Variants in NBPF15 observed in about 807,000 individuals in gnomAD.
The protein encoded by NBPF15 is NBPF member 15.
A neutral mutation model predicts 62.2 loss-of-function variants in NBPF15; 74 were observed. That is an observed-to-expected ratio of 1.19 (90% CI 0.99 to 1.44). The LOEUF is 1.44. NBPF15 is among the 40% of genes most tolerant of loss of function. NBPF15 has a pLI of 0.00. For missense variants in NBPF15, 790 were observed against 550.0 expected, an observed-to-expected ratio of 1.44 and a Z score of -4.36; for synonymous variants, 244 against 209.7, an observed-to-expected ratio of 1.16 and a Z score of -1.41.
rs78658748 is a variant in NBPF15, at chr1:144,422,957, T to A, written c.*56A>T. 98 of 1,611,470 alleles carry A rather than the reference T, an allele frequency of 6.1e-5. 2 individuals carry two copies. Among genetic ancestry groups the A allele is most frequent in the Non-Finnish European group, 7.0e-5 (82 of 1,179,608 alleles). ...GAACTGTACTTTCATTCAAATCTTC[T>A]CGTGCCTATAGGTCCTGCCTGCAGG... is the stretch of plus-strand genomic sequence containing the variant. On this transcript the variant is annotated 3_prime_UTR_variant, in exon 22 of 22. Coordinates refer to ENST00000581897, the MANE Select transcript of NBPF15 (RefSeq NM_001385408.1).
At chr1:144,460,013 T>C (rs1190588281) in intron 2 of NBPF15, among the ~76,000 whole-genome samples, 1 of 140,820 alleles carries the variant, frequency 7.1e-6, no homozygotes, top group Admixed American at 7.3e-5. Context: ...TTGGTAAAAA[T>C]TCATTACCTG....
chr1:144,446,063 C>T (rs1317783946), intron 6 of NBPF15, among the ~76,000 whole-genome samples: 1 of 150,654 alleles, frequency 6.6e-6, no homozygotes, highest in South Asian at 2.1e-4. Flanking sequence ...CACTGTTAGG[C>T]ATGATGGTCT....
At chr1:144,432,159 C>A (rs1382895618) in intron 13 of NBPF15, among the ~76,000 whole-genome samples, 15 of 152,048 alleles carry the variant, frequency 9.9e-5, no homozygotes, top group Admixed American at 2.0e-4. Flanking sequence ...CATCTTCAAC[C>A]TTCTTAAAGA....
At chr1:144,459,889 A>C (rs1435920243) in intron 2 of NBPF15, among the ~76,000 whole-genome samples, 1 of 151,890 alleles carries the variant, frequency 6.6e-6, no homozygotes, top group African/African-American at 2.4e-5. Flanking sequence ...GAAAACGTTC[A>C]ACAATATGTA....
intron 20 of NBPF15, 135 bp downstream of exon 20, chr1:144,424,555 C>T: frequency 3.2e-6 from 2 of 632,048 alleles, no homozygotes; most frequent in Non-Finnish European, 5.6e-6. Flanking sequence ...GAGTTTCATT[C>T]AACCTACATG....
chr1:144,423,250 G>T lies in NBPF15; in HGVS notation c.1776C>A (p.Tyr592Ter). 6.2e-7 allele frequency: 1 copy of T among 1,611,426 alleles called. No individual in the cohort carries two copies. The highest frequency in any genetic ancestry group is 1.1e-5 in the South Asian group (1 of 90,970). Reference sequence around the variant, plus strand: ...GCTCTTCCACTTCCATCAGCACGCCGTAGAGCCTGGAAAAGGAGACAAAAC... The same window carrying T: ...GCTCTTCCACTTCCATCAGCACGCCTTAGAGCCTGGAAAAGGAGACAAAAC... ...EDDNPPCPRL[Y>*]GVLMEVEEPE... Residue 592 changes from tyrosine (Y) to a stop codon, truncating the protein, a stop_gained, in exon 22 of 22, where the codon TAC becomes TAA. Transcript: ENST00000581897. LOFTEE classifies it high-confidence loss of function.
At chr1:144,438,895 C>T (rs1218306376) in intron 8 of NBPF15, among the ~76,000 whole-genome samples, 1 of 151,964 alleles carries the variant, frequency 6.6e-6, no homozygotes, top group African/African-American at 2.4e-5. Context: ...ATCTTTCTTC[C>T]TCTTTAGCAA....
rs1666674255 is a variant in NBPF15, at chr1:144,422,894, A to G, written c.*119T>C. ...ATGGTTTGAGAATAGGAATAGAGCC[A>G]TGCTCACTGACCCATCCTATGTCTG... On this transcript the variant is annotated 3_prime_UTR_variant, in exon 22 of 22. Coordinates refer to ENST00000581897, the MANE Select transcript of NBPF15 (RefSeq NM_001385408.1). 10 of 1,605,518 alleles carry G rather than the reference A, an allele frequency of 6.2e-6. 1 individual carries two copies. Among genetic ancestry groups the G allele is most frequent in the East Asian group, 2.2e-5 (1 of 44,830 alleles).
chr1:144,439,142 C>T lies in NBPF15; in HGVS notation c.175+687G>A, dbSNP rs1261006719. On this transcript the variant is annotated intron_variant, in intron 8 of 21. Transcript: ENST00000581897. ...GTGATTACAGTCACCTGCCACCACG[C>T]CCATCTACTTTTTGTATTTTTAGTG... is the stretch of plus-strand genomic sequence containing the variant. Among the ~76,000 whole-genome samples the T allele has an allele frequency of 4.9e-4, 75 of 151,898 alleles. 2 individuals are homozygous for T. In the South Asian group the frequency reaches 9.2e-3, roughly 19 times the overall value.
Position 144,426,267 on chromosome 1 carries a change from A to G in NBPF15, c.1438+11T>C. On this transcript the variant is annotated intron_variant, in intron 18 of 21. Transcript: ENST00000581897. Reference sequence around the variant, plus strand: ...GGTGGAGGCTTATCACCTTCACAGTAAGGTACTCACTGTCCACGTCAAGAG... The same window carrying G: ...GGTGGAGGCTTATCACCTTCACAGTGAGGTACTCACTGTCCACGTCAAGAG... 1.7e-6 allele frequency: 1 copy of G among 578,540 alleles called. No individual in the cohort carries two copies. Among genetic ancestry groups the G allele is most frequent in the South Asian group, 2.0e-5 (1 of 49,292 alleles). 35.8% of individuals were successfully genotyped at this position (578,540 alleles called of 1,614,324 possible). A position where few individuals can be genotyped will look rare whatever the true frequency, so the allele number is the denominator to read the frequency against.
At chr1:144,428,554 G>A (rs1242506111) in intron 15 of NBPF15, 52 bp downstream of exon 15, 5 of 676,816 alleles carry the variant, frequency 7.4e-6, no homozygotes, top group African/African-American at 5.3e-5. Context: ...CCTGGACTTG[G>A]CATCTCCAGG....
At chr1:144,425,245 T>G (rs1386641184) in intron 19 of NBPF15, among the ~76,000 whole-genome samples, 1 of 55,064 alleles carries the variant, frequency 1.8e-5, no homozygotes, top group Non-Finnish European at 3.1e-5. Context: ...GCTCAATAAT[T>G]TTCCATAAAA....
intron 17 of NBPF15, among the ~76,000 whole-genome samples, chr1:144,426,734 T>A (rs1391989945): frequency 6.6e-6 from 1 of 151,780 alleles, no homozygotes; most frequent in Non-Finnish European, 1.5e-5. Context: ...TCTGAGTTAG[T>A]GCGCTCGGGA....
chr1:144,427,447 C>G (rs1670556953), intron 16 of NBPF15, among the ~76,000 whole-genome samples: 1 of 149,430 alleles, frequency 6.7e-6, no homozygotes, highest in African/African-American at 2.5e-5. Context: ...TCATCAAATA[C>G]TCAGATTGTT....
chr1:144,458,002 G>A (rs1388562249), intron 3 of NBPF15, among the ~76,000 whole-genome samples: 1 of 151,582 alleles, frequency 6.6e-6, no homozygotes, highest in Admixed American at 6.6e-5. Flanking sequence ...TGGGCAGACT[G>A]CTTGAGCCTG....
intron 8 of NBPF15, 60 bp from the exon 9 acceptor site, chr1:144,438,107 G>A (rs1393902087): frequency 5.7e-6 from 9 of 1,585,652 alleles, no homozygotes; most frequent in East Asian, 2.2e-5. Flanking sequence ...TGTGGTCATT[G>A]CCTACAGGAC....
chr1:144,456,492 G>A, intron 4 of NBPF15, 45 bp downstream of exon 4: 1 of 1,184,180 alleles, frequency 8.4e-7, no homozygotes, highest in South Asian at 2.5e-5. Flanking sequence ...AATAGAAAAA[G>A]GACTCTCTGA....
chr1:144,437,558 T>C (rs1227560194), intron 9 of NBPF15, among the ~76,000 whole-genome samples: 2 of 150,548 alleles, frequency 1.3e-5, no homozygotes, highest in African/African-American at 2.5e-5. Flanking sequence ...GAAGGCAACA[T>C]TGATTGAGTG....
Position 144,445,568 on chromosome 1 carries a change from A to T in NBPF15, c.-191+3207T>A, listed in dbSNP as rs1171968200. The stretch of plus-strand genomic sequence containing the variant: ...GAAATAGGTAGTGAATTCATTCGCC[A>T]TTATTCTTTTATAATATTGCTATTT... On this transcript the variant is annotated intron_variant, in intron 6 of 21. Coordinates refer to ENST00000581897, the MANE Select transcript of NBPF15 (RefSeq NM_001385408.1). Among the ~76,000 whole-genome samples the T allele has an allele frequency of 1.4e-3, 214 of 149,590 alleles. 1 individual carries two copies. The highest frequency in any genetic ancestry group is 4.8e-3 in the African/African-American group (195 of 41,010).
Sources: gnomAD v4.1 joint callset for allele counts (sites outside exome capture counted in the v4.1 genomes callset) on GRCh38, gnomAD v4.1.1 for gene constraint, MANE v1.5 for transcripts, NCBI Gene and HGNC (gene_info 2026-07-23, HGNC 2026-07-21) for gene names.